The following SPTAN1 variants were observed in gnomAD, a reference collection of about 807,000 sequenced individuals.
The protein encoded by SPTAN1 is spectrin alpha, non-erythrocytic 1.
In SPTAN1, 61 loss-of-function variants were observed where a neutral mutation model predicts 331.3. The observed-to-expected ratio is 0.18, with a 90% CI of 0.15 to 0.23. The LOEUF (loss-of-function observed/expected upper bound fraction) is 0.23, where lower values mean the gene tolerates loss of function less well. Ranked by LOEUF, SPTAN1 falls within the 10% of genes least tolerant of loss-of-function variation. The pLI, the probability that SPTAN1 is intolerant of heterozygous loss-of-function variation, is 1.00. For synonymous variants in SPTAN1, 1,153 were observed against 1,173.9 expected, an observed-to-expected ratio of 0.98 and a Z score of 0.36; for missense variants, 2,043 against 3,147.9, an observed-to-expected ratio of 0.65 and a Z score of 8.40.
rs563455550 is a variant in SPTAN1 at position 128,577,040 on chromosome 9, C to G, written c.785+84C>G. The G allele has an allele frequency of 6.2e-7, 1 of 1,613,720 alleles. No individual in the cohort carries two copies. The highest frequency in any genetic ancestry group is 2.2e-5 in the East Asian group (1 of 44,884). On this transcript the variant is annotated intron_variant, in intron 6 of 56. Coordinates refer to ENST00000372739, the MANE Select transcript of SPTAN1 (RefSeq NM_001130438.3). The surrounding 1 kb of genome is among the most constrained non-coding windows in gnomAD (Gnocchi z 4.2). ...CACAGGGCATGTGCTGGTGAGCTGT[C>G]GAGGCTGACTAGGCCTTGGTCCCAT...
At chr9:128,555,797 T>A (rs866286715) in intron 1 of SPTAN1, among the ~76,000 whole-genome samples, 6 of 152,248 alleles carry the variant, frequency 3.9e-5, no homozygotes, top group Admixed American at 6.5e-5. Context: ...TTGGAGAAAA[T>A]AATCTGAAAA....
intron 27 of SPTAN1, 52 bp from the exon 28 acceptor site, chr9:128,603,491 C>G: frequency 6.2e-7 from 1 of 1,607,038 alleles, no homozygotes; most frequent in African/African-American, 1.3e-5. Context: ...GCTCAGATCT[C>G]TAATTGCCAG....
At position 128,591,428 on chromosome 9, in the gene SPTAN1, C is replaced by G. The variant is rs1364337767; in HGVS notation, c.3007-49C>G. On this transcript the variant is annotated intron_variant, in intron 21 of 56. Transcript: ENST00000372739. ...TATACACGTGACCTCCTTGGATTCT[C>G]CCTCTCAGAGAAGGAATTTACTTTC... is the stretch of plus-strand genomic sequence containing the variant. 3 of 1,612,756 alleles carry G rather than the reference C, an allele frequency of 1.9e-6. No homozygotes were observed. The East Asian group carries it at 6.7e-5, about 36-fold the overall frequency.
At chr9:128,584,698 T>A in intron 17 of SPTAN1, 23 bp from the exon 18 acceptor site, 1 of 1,614,232 alleles carries the variant, frequency 6.2e-7, no homozygotes, top group South Asian at 1.1e-5. Flanking sequence ...GTTGGATAAC[T>A]GGGGACTGGT....
At chr9:128,617,511 C>G (rs1267774738) in intron 41 of SPTAN1, 129 bp from the exon 42 acceptor site, 7 of 1,404,386 alleles carry the variant, frequency 5.0e-6, no homozygotes, top group Non-Finnish European at 6.0e-6. Flanking sequence ...TTTTGTTGTT[C>G]AGAAAACTGG....
At position 128,625,481 on chromosome 9, in the gene SPTAN1, A is replaced by C. The variant is rs1858594712; in HGVS notation, c.6070-288A>C. On this transcript the variant is annotated intron_variant, in intron 47 of 56. Coordinates refer to ENST00000372739, the MANE Select transcript of SPTAN1 (RefSeq NM_001130438.3). The surrounding 1 kb of genome is among the most constrained non-coding windows in gnomAD (Gnocchi z 4.1). ...TAAGCGAAATCATGAGGGGTGAATG[A>C]AAACGGTCAGGGAGAGAGGCAGGGC... Among the ~76,000 whole-genome samples, 1 of 152,164 alleles carries C rather than the reference A, an allele frequency of 6.6e-6. No individual in the cohort carries two copies. The highest frequency in any genetic ancestry group is 1.5e-5 in the Non-Finnish European group (1 of 68,034).
intron 44 of SPTAN1, 72 bp downstream of exon 44, chr9:128,619,075 GGTTT>G (rs1857534485): frequency 6.2e-7 from 1 of 1,606,738 alleles, no homozygotes; most frequent in Admixed American, 1.7e-5. Flanking sequence ...TTTCCCTGTT[GGTTT>G]GTTAGAGGGC....
intron 44 of SPTAN1, 88 bp downstream of exon 44, chr9:128,619,091 C>G: frequency 6.3e-7 from 1 of 1,585,656 alleles, no homozygotes; most frequent in Non-Finnish European, 8.6e-7. Flanking sequence ...TTAGAGGGCC[C>G]TGCTCTTACT....
At chr9:128,633,100 A>T (rs1330867167) in intron 56 of SPTAN1, 109 bp from the exon 57 acceptor site, 2 of 1,597,084 alleles carry the variant, frequency 1.3e-6, no homozygotes, top group Non-Finnish European at 8.5e-7. Flanking sequence ...GAAGTCCCGG[A>T]TCTGCTTGTA....
intron 1 of SPTAN1, among the ~76,000 whole-genome samples, chr9:128,559,933 CCA>C (rs1849102483): frequency 1.3e-5 from 2 of 151,788 alleles, no homozygotes; most frequent in African/African-American, 4.8e-5. Flanking sequence ...TGGGGTTTCA[CCA>C]TGTTGGCCAG....
intron 1 of SPTAN1, among the ~76,000 whole-genome samples, chr9:128,560,848 C>G (rs1324460693): frequency 6.7e-6 from 1 of 150,166 alleles, no homozygotes; most frequent in South Asian, 2.1e-4. Context: ...GAAACCCAAT[C>G]TCTACAAAAG....
At chr9:128,582,435 G>C (rs1373179020) in intron 12 of SPTAN1, 44 bp from the exon 13 acceptor site, 3 of 1,565,486 alleles carry the variant, frequency 1.9e-6, no homozygotes, top group Non-Finnish European at 2.6e-6. Context: ...CCAAGCTTGG[G>C]ACTAGTGTGC....
At chr9:128,624,648 A>G in intron 46 of SPTAN1, 161 bp downstream of exon 46, 1 of 935,210 alleles carries the variant, frequency 1.1e-6, no homozygotes, top group Admixed American at 2.2e-5. Context: ...AGGAGGAGAC[A>G]GTGTCCTGAG....
chr9:128,563,001 T>TATATATATATAC (rs1849589605), intron 1 of SPTAN1, among the ~76,000 whole-genome samples: 1 of 44,064 alleles, frequency 2.3e-5, no homozygotes, highest in Non-Finnish European at 5.1e-5. Context: ...TGTATATATA[T>TATATATATATAC]ATATATATAT....
chr9:128,582,316 C>CA (rs1852043597), intron 12 of SPTAN1, among the ~76,000 whole-genome samples, 163 bp from the exon 13 acceptor site: 1 of 30,788 alleles, frequency 3.2e-5, no homozygotes, highest in Non-Finnish European at 8.0e-5. Flanking sequence ...AGCAAAATCT[C>CA]AAAAGTTATG....
chr9:128,611,639 C>G (rs1856575060), intron 37 of SPTAN1, 75 bp from the exon 38 acceptor site: 4 of 1,586,070 alleles, frequency 2.5e-6, no homozygotes. Context: ...CTCCCTGCCT[C>G]TGAGAACCCC....
intron 41 of SPTAN1, 22 bp downstream of exon 41, chr9:128,615,862 G>A (rs1265648195): frequency 6.2e-7 from 1 of 1,613,348 alleles, no homozygotes; most frequent in African/African-American, 1.3e-5. Flanking sequence ...CAGCCCTCTA[G>A]AAGGCCCCTT....
rs761628910 is a variant in SPTAN1, at chr9:128,605,346, G to A, written c.3915G>A (p.Glu1305=). The A allele has an allele frequency of 1.1e-5, 17 of 1,614,224 alleles. No individual in the cohort carries two copies. The African/African-American group carries it at 1.9e-4, about 18-fold the overall frequency. ...TAERLIQSHP[E]SAEDLQEKCT... Reference sequence around the variant, plus strand: ...AGCGCCTGATCCAGTCCCATCCCGAGTCAGCAGAAGACCTGCAGGAAAAGT... The same window carrying A: ...AGCGCCTGATCCAGTCCCATCCCGAATCAGCAGAAGACCTGCAGGAAAAGT... The change falls in exon 31 of 57, where the codon GAG becomes GAA. Residue 1305 remains glutamate (E), a synonymous_variant. Coordinates refer to ENST00000372739, the MANE Select transcript of SPTAN1 (RefSeq NM_001130438.3).
intron 52 of SPTAN1, among the ~76,000 whole-genome samples, chr9:128,631,057 C>G (rs924339537): frequency 2.6e-5 from 4 of 152,028 alleles, no homozygotes; most frequent in Non-Finnish European, 5.9e-5. Flanking sequence ...GTTGGCCAGG[C>G]CGGTCTGGAA....
Sources: allele counts gnomAD v4.1 joint callset (sites outside exome capture counted in the v4.1 genomes callset), GRCh38; gene constraint gnomAD v4.1.1; non-coding constraint Gnocchi (gnomAD v3.1); transcripts MANE v1.5; gene names NCBI Gene and HGNC (gene_info 2026-07-23, HGNC 2026-07-21).